The following RB1 variants were observed in gnomAD, a reference collection of about 807,000 sequenced individuals.
The protein encoded by RB1 is RB transcriptional corepressor 1.
RB1 carries 18 observed loss-of-function variants against 135.4 expected under a neutral mutation model. That is an observed-to-expected ratio of 0.13 (90% CI 0.09 to 0.20). The LOEUF (loss-of-function observed/expected upper bound fraction) is 0.20, where lower values mean the gene tolerates loss of function less well. Ranked by LOEUF, RB1 falls within the 10% of genes least tolerant of loss-of-function variation. The pLI is 1.00. For missense variants in RB1, 868 were observed against 1,110.0 expected (o/e 0.78, Z 3.10); for synonymous variants, 365 against 373.2 (o/e 0.98, Z 0.25).
intron 26 of RB1, among the ~76,000 whole-genome samples, chr13:48,477,896 T>C (rs573862791): frequency 5.9e-5 from 9 of 152,266 alleles, no homozygotes; most frequent in Admixed American, 2.6e-4. Context: ...AAAGAACACT[T>C]ATGTCATTTT....
intron 25 of RB1, 104 bp from the exon 26 acceptor site, chr13:48,477,251 A>G (rs1270759765): frequency 1.2e-6 from 1 of 805,564 alleles, no homozygotes; most frequent in Non-Finnish European, 2.1e-6. Context: ...TACTCACTAA[A>G]ATAATAGCAT....
chr13:48,324,568 T>C (rs1219799721), intron 2 of RB1, among the ~76,000 whole-genome samples: 1 of 152,192 alleles, frequency 6.6e-6, no homozygotes, highest in Non-Finnish European at 1.5e-5. Flanking sequence ...TGAATAACAT[T>C]CCATTGTTTA....
intron 17 of RB1, chr13:48,411,734 C>A: frequency 6.2e-7 from 1 of 1,608,532 alleles, no homozygotes; most frequent in South Asian, 1.1e-5. Flanking sequence ...GTACAAAAAT[C>A]ATTTTTAAAA....
intron 17 of RB1, among the ~76,000 whole-genome samples, chr13:48,424,775 A>G (rs1322685164): frequency 4.6e-5 from 7 of 152,168 alleles, no homozygotes; most frequent in South Asian, 2.1e-4. Context: ...AAACAAGGCC[A>G]TGTGTGGTGG....
intron 17 of RB1, chr13:48,389,546 TC>T (rs1244202630): frequency 1.3e-5 from 2 of 152,208 alleles, no homozygotes; most frequent in Admixed American, 1.3e-4. Flanking sequence ...TTAGAAGTGT[TC>T]TCTATTGCTG....
intron 2 of RB1, among the ~76,000 whole-genome samples, chr13:48,308,654 A>G (rs1441718167): frequency 6.6e-6 from 1 of 152,062 alleles, no homozygotes; most frequent in Non-Finnish European, 1.5e-5. Flanking sequence ...TCCATCTCAA[A>G]AAAAAAACAA....
chr13:48,473,773 T>A (rs180913805), intron 24 of RB1, among the ~76,000 whole-genome samples: 1 of 152,140 alleles, frequency 6.6e-6, no homozygotes, highest in Admixed American at 6.5e-5. Flanking sequence ...AATTCAATTC[T>A]GACACTAATT....
Position 48,479,653 on chromosome 13 carries a change from G to T in RB1, c.2714-345G>T, listed in dbSNP as rs117878591. On this transcript the variant is annotated intron_variant, in intron 26 of 26. Transcript: ENST00000267163. ...ACTGTTTTTTTGGGGGGTGGGGAGG[G>T]AATTTTTTTTTTAATTGATATATCA... Among the ~76,000 whole-genome samples, 1,135 of 151,556 alleles carry T rather than the reference G, an allele frequency of 7.5e-3. 20 individuals are homozygous for T. Among genetic ancestry groups the T allele is most frequent in the Non-Finnish European group, 5.9e-3 (400 of 67,922 alleles).
chr13:48,431,142 CA>C (rs56268564), intron 17 of RB1, among the ~76,000 whole-genome samples: 126,697 of 152,058 alleles, frequency 0.83, 56,347 homozygotes, highest in East Asian at 1. Context: ...AACAAACTAA[CA>C]AAAAATAACA....
intron 17 of RB1, among the ~76,000 whole-genome samples, chr13:48,383,024 T>C (rs916071884): frequency 2.0e-5 from 3 of 152,208 alleles, no homozygotes; most frequent in African/African-American, 7.2e-5. Context: ...GTATTATTTC[T>C]GAGGGCCCTG....
At chr13:48,373,780 T>C (rs1414510952) in intron 12 of RB1, among the ~76,000 whole-genome samples, 1 of 152,202 alleles carries the variant, frequency 6.6e-6, no homozygotes, top group Non-Finnish European at 1.5e-5. Context: ...TCTTCAGATA[T>C]ATCCTTTGAT....
At chr13:48,334,104 C>A (rs1952362318) in intron 2 of RB1, among the ~76,000 whole-genome samples, 1 of 152,090 alleles carries the variant, frequency 6.6e-6, no homozygotes, top group African/African-American at 2.4e-5. Context: ...TCTGAATTTG[C>A]CAGGTACATG....
In RB1 at chr13:48,303,754, T is replaced by G; in HGVS notation, c.-159T>G. ...CCCGCGGTTGGACGCGGCGCTCAGTTGCCGGGCGGGGGAGGGCGCGTCCGG... is the reference window on the plus strand; with the variant it reads ...CCCGCGGTTGGACGCGGCGCTCAGTGGCCGGGCGGGGGAGGGCGCGTCCGG... On this transcript the variant is annotated 5_prime_UTR_variant, in exon 1 of 27. Transcript: ENST00000267163. 8.5e-7 allele frequency: 1 copy of G among 1,179,890 alleles called. No individual in the cohort carries two copies. 73.1% of individuals were successfully genotyped at this position (1,179,890 alleles called of 1,614,324 possible).
intron 2 of RB1, among the ~76,000 whole-genome samples, chr13:48,329,224 T>C (rs967216807): frequency 2.6e-5 from 4 of 152,224 alleles, no homozygotes; most frequent in African/African-American, 9.6e-5. Flanking sequence ...ATCTTGATAT[T>C]GCATTTTCAT....
chr13:48,452,549 A>G (rs1949334316), intron 17 of RB1, among the ~76,000 whole-genome samples: 1 of 151,990 alleles, frequency 6.6e-6, no homozygotes. Context: ...TTTCATACCT[A>G]ATACTGCCTA....
At chr13:48,316,766 CACACACACACACACACACGGAT>C (rs1305435767) in intron 2 of RB1, 7 of 157,908 alleles carry the variant, frequency 4.4e-5, no homozygotes, top group Admixed American at 2.8e-4. Flanking sequence ...CACACACACA[CACACACACACACACACACGGAT>C]ACACGCACAG....
intron 17 of RB1, chr13:48,412,105 A>G: frequency 1.2e-6 from 2 of 1,613,496 alleles, no homozygotes; most frequent in East Asian, 4.5e-5. Context: ...ATACAGGTTA[A>G]GAACAGAATG....
chr13:48,361,749 C>T (rs1169877304), intron 7 of RB1, among the ~76,000 whole-genome samples: 1 of 151,900 alleles, frequency 6.6e-6, no homozygotes, highest in African/African-American at 2.4e-5. Flanking sequence ...TTAAAAGTTT[C>T]TCTTCCATCC....
chr13:48,369,288 C>T (rs1170605784), intron 11 of RB1, among the ~76,000 whole-genome samples: 1 of 152,148 alleles, frequency 6.6e-6, no homozygotes, highest in Admixed American at 6.6e-5. Context: ...AAAATATTTC[C>T]TGAGTGCATC....
Sources: gnomAD v4.1 joint callset for allele counts (sites outside exome capture counted in the v4.1 genomes callset) on GRCh38, gnomAD v4.1.1 for gene constraint, MANE v1.5 for transcripts, NCBI Gene and HGNC (gene_info 2026-07-23, HGNC 2026-07-21) for gene names.